Variants in GPC5 observed in about 807,000 individuals in gnomAD.
GPC5 encodes the protein glypican-5.
Under a neutral mutation model 53.9 loss-of-function variants are expected in GPC5, and 47 were observed. That is an observed-to-expected ratio of 0.87 (90% CI 0.69 to 1.11). GPC5 has a LOEUF of 1.11. Among genes scored for constraint, GPC5 ranks in the 50% most tolerant of loss-of-function variants. The pLI, the probability that GPC5 is intolerant of heterozygous loss-of-function variation, is 0.00. For missense variants in GPC5, 748 were observed against 713.1 expected (o/e 1.05, Z -0.56); for synonymous variants, 286 against 263.3 (o/e 1.09, Z -0.84).
intron 7 of GPC5, among the ~76,000 whole-genome samples, chr13:92,717,282 G>A (rs1471146402): frequency 6.6e-6 from 1 of 152,094 alleles, no homozygotes; most frequent in Non-Finnish European, 1.5e-5. Flanking sequence ...GGAAAAAGGA[G>A]ATCCTGGTTA....
chr13:92,249,452 A>G (rs568878969), intron 7 of GPC5, among the ~76,000 whole-genome samples: 13 of 152,142 alleles, frequency 8.5e-5, no homozygotes, highest in Admixed American at 6.6e-4. Context: ...TGTCCCTTAC[A>G]TTTCTTCTGT....
At chr13:92,270,862 C>T (rs1215244329) in intron 7 of GPC5, among the ~76,000 whole-genome samples, 3 of 152,100 alleles carry the variant, frequency 2.0e-5, no homozygotes, top group African/African-American at 7.2e-5. Context: ...AGATAACAGC[C>T]TTGGATCTCT....
intron 2 of GPC5, 132 bp from the exon 3 acceptor site, chr13:91,693,055 G>T (rs1435558645): frequency 1.5e-6 from 1 of 673,422 alleles, no homozygotes; most frequent in Non-Finnish European, 2.5e-6. Context: ...AGCTGAATTT[G>T]GTTGAGTAGG....
At chr13:92,021,244 A>G (rs1157834383) in intron 6 of GPC5, among the ~76,000 whole-genome samples, 2 of 152,222 alleles carry the variant, frequency 1.3e-5, no homozygotes, top group East Asian at 3.9e-4. Context: ...CCATCAACAG[A>G]TGAACAGATA....
rs1566549904 is a variant in GPC5 at position 92,347,897 on chromosome 13, ATATAATAT to A, written c.1561+202909_1561+202916del. 7.0e-3 allele frequency among the ~76,000 whole-genome samples: 90 copies of A among 12,860 alleles called. 29 individuals carry two copies. The East Asian group carries it at 0.1, about 15-fold the overall frequency. The allele number at this position is 12,860 out of a possible 152,430, so 8.4% of individuals were successfully genotyped here. A position where few individuals can be genotyped will look rare whatever the true frequency, so the allele number is the denominator to read the frequency against. On this transcript the variant is annotated intron_variant, in intron 7 of 7. Transcript: ENST00000377067. ...ATAATATATATTATATATATTATAT[ATATAATAT>A]ATATATAATATATATATATTATATA...
At chr13:92,665,869 A>T (rs1050886967) in intron 7 of GPC5, among the ~76,000 whole-genome samples, 3 of 152,150 alleles carry the variant, frequency 2.0e-5, no homozygotes, top group Non-Finnish European at 4.4e-5. Flanking sequence ...GTCTCCAATA[A>T]TTTTCCTCCT....
At position 91,704,045 on chromosome 13, in the gene GPC5, T is replaced by C. The variant is rs540351864; in HGVS notation, c.1020+10164T>C. ...CAAAATTAATGTTTCCTTATTGATTTTCTTTCTGGTTGATCTAGCCATTGT... is the reference window on the plus strand; with the variant it reads ...CAAAATTAATGTTTCCTTATTGATTCTCTTTCTGGTTGATCTAGCCATTGT... On this transcript the variant is annotated intron_variant, in intron 3 of 7. Transcript: ENST00000377067. Among the ~76,000 whole-genome samples, 7 of 152,324 alleles carry C rather than the reference T, an allele frequency of 4.6e-5. No homozygotes were observed. In the South Asian group the frequency reaches 1.5e-3, roughly 32 times the overall value.
intron 6 of GPC5, among the ~76,000 whole-genome samples, chr13:92,084,018 A>G (rs1221653533): frequency 6.6e-6 from 1 of 152,216 alleles, no homozygotes; most frequent in Non-Finnish European, 1.5e-5. Flanking sequence ...AAACTAACAC[A>G]GGAACAGAAA....
chr13:92,663,714 TATATATCTACTAA>T (rs1326677125), intron 7 of GPC5, among the ~76,000 whole-genome samples: 26 of 129,724 alleles, frequency 2.0e-4, no homozygotes, highest in African/African-American at 5.7e-4. Flanking sequence ...ATATCTACTA[TATATATCTACTAA>T]ATATATCTAC....
intron 7 of GPC5, among the ~76,000 whole-genome samples, chr13:92,685,544 A>AT (rs61560973): frequency 0.32 from 33,350 of 104,656 alleles, 5,169 homozygotes; most frequent in African/African-American, 0.39. Flanking sequence ...AATTATGCTC[A>AT]TTTTTTTTTT....
chr13:92,383,461 A>C (rs2043767020), intron 7 of GPC5, among the ~76,000 whole-genome samples: 3 of 152,252 alleles, frequency 2.0e-5, no homozygotes, highest in African/African-American at 7.2e-5. Flanking sequence ...AAATAGTGAT[A>C]TTATTTAATT....
At chr13:92,044,443 G>T (rs1197471757) in intron 6 of GPC5, among the ~76,000 whole-genome samples, 1 of 152,182 alleles carries the variant, frequency 6.6e-6, no homozygotes, top group Non-Finnish European at 1.5e-5. Flanking sequence ...GTCATCATAG[G>T]TGATGTCTCA....
intron 2 of GPC5, among the ~76,000 whole-genome samples, chr13:91,495,782 G>C (rs1268399032): frequency 6.6e-6 from 1 of 152,214 alleles, no homozygotes; most frequent in African/African-American, 2.4e-5. Context: ...CAGCACTTTG[G>C]GAGGCCGAGG....
intron 7 of GPC5, among the ~76,000 whole-genome samples, chr13:92,695,920 C>G (rs1450736954): frequency 6.6e-6 from 1 of 151,898 alleles, no homozygotes; most frequent in African/African-American, 2.4e-5. Context: ...TCTCATTGTC[C>G]AACTACCTAT....
chr13:92,570,579 A>G (rs1192793557), intron 7 of GPC5, among the ~76,000 whole-genome samples: 1 of 152,076 alleles, frequency 6.6e-6, no homozygotes, highest in Admixed American at 6.6e-5. Flanking sequence ...CTGGTTAAAG[A>G]TTTATTTTAC....
At chr13:91,482,868 T>G (rs1179766970) in intron 2 of GPC5, among the ~76,000 whole-genome samples, 1 of 152,046 alleles carries the variant, frequency 6.6e-6, no homozygotes, top group Non-Finnish European at 1.5e-5. Flanking sequence ...ATGCAGGTTT[T>G]TTTTTTTTTT....
intron 7 of GPC5, among the ~76,000 whole-genome samples, chr13:92,261,875 T>C (rs575302262): frequency 8.3e-4 from 126 of 152,230 alleles, no homozygotes; most frequent in African/African-American, 2.9e-3. Flanking sequence ...GATAAAATGG[T>C]ATATCTAAAT....
intron 7 of GPC5, chr13:92,446,918 T>C (rs1594210005): frequency 6.6e-6 from 1 of 152,170 alleles, no homozygotes; most frequent in East Asian, 1.9e-4. Flanking sequence ...CTGTTTTCCA[T>C]TTGTATGTCT....
intron 7 of GPC5, among the ~76,000 whole-genome samples, chr13:92,237,593 G>T (rs2042579866): frequency 6.6e-6 from 1 of 152,074 alleles, no homozygotes; most frequent in South Asian, 2.1e-4. Context: ...TTCCAAGTAT[G>T]TGTATATTTG....
Sources: gnomAD v4.1 joint callset for allele counts (sites outside exome capture counted in the v4.1 genomes callset) on GRCh38, gnomAD v4.1.1 for gene constraint, MANE v1.5 for transcripts, NCBI Gene and HGNC (gene_info 2026-07-23, HGNC 2026-07-21) for gene names.